The following CCDC88C variants were observed in gnomAD, a reference collection of about 807,000 sequenced individuals.
The protein encoded by CCDC88C is coiled-coil and HOOK domain protein 88C.
CCDC88C carries 131 observed loss-of-function variants against 198.8 expected under a neutral mutation model. The ratio of observed to expected loss-of-function variants is 0.66; its 90% CI spans 0.57 to 0.76. The LOEUF (loss-of-function observed/expected upper bound fraction) is 0.76, where lower values mean the gene tolerates loss of function less well. CCDC88C is among the 30% of genes least tolerant of loss of function. CCDC88C has a pLI of 0.00. For synonymous variants in CCDC88C, 1,166 were observed against 1,114.7 expected, an observed-to-expected ratio of 1.05 and a Z score of -0.92; for missense variants, 2,553 against 2,631.6, an observed-to-expected ratio of 0.97 and a Z score of 0.65.
chr14:91,359,860 C>T (rs1389090638), intron 3 of CCDC88C, 149 bp from the exon 4 acceptor site: 7 of 683,820 alleles, frequency 1.0e-5, no homozygotes, highest in African/African-American at 3.6e-5. Context: ...GCAAGGAGCA[C>T]GTAAGATGCA....
At position 91,408,708 on chromosome 14, in the gene CCDC88C, C is replaced by T. The variant is rs773103876; in HGVS notation, c.221G>A (p.Arg74His). Residue 74 changes from arginine (R) to histidine (H), a missense_variant, in exon 3 of 30, where the codon CGC becomes CAC. By Grantham distance (29) the Arg-to-His change is conservative. Around this residue, in one of 2 missense-constraint regions of CCDC88C, gnomAD observed 1,260 missense variants for 1,412.0 expected, o/e 0.89. Coordinates refer to ENST00000389857, the MANE Select transcript of CCDC88C (RefSeq NM_001080414.4). Reference sequence around the variant, plus strand: ...CACCAAGATGGTCAAATTCTGAATGCGAAGGTTCACATCATTGTTGACGTG... The same window carrying T: ...CACCAAGATGGTCAAATTCTGAATGTGAAGGTTCACATCATTGTTGACGTG... The part of the protein sequence containing the change: ...NKHVNNDVNL[R>H]IQNLTILVRN... 6 of 1,613,862 alleles carry T rather than the reference C, an allele frequency of 3.7e-6. No homozygotes were observed. The Admixed American group carries it at 6.7e-5, about 18-fold the overall frequency.
At chr14:91,310,093 T>C in intron 15 of CCDC88C, 107 bp from the exon 16 acceptor site, 3 of 1,141,418 alleles carry the variant, frequency 2.6e-6, no homozygotes, top group Non-Finnish European at 3.6e-6. Context: ...GGGCCACGGC[T>C]GCCTCCGTGT....
intron 22 of CCDC88C, among the ~76,000 whole-genome samples, chr14:91,295,069 C>T (rs954055672): frequency 6.6e-6 from 1 of 152,146 alleles, no homozygotes; most frequent in South Asian, 2.1e-4. Flanking sequence ...ATGGGGCCAC[C>T]GTAAGGACTG....
chr14:91,304,085 G>A (rs1891459434), intron 19 of CCDC88C, 107 bp from the exon 20 acceptor site: 1 of 1,334,620 alleles, frequency 7.5e-7, no homozygotes, highest in South Asian at 1.3e-5. Context: ...GGGACCCTCA[G>A]GGCAGAAGAC....
intron 3 of CCDC88C, among the ~76,000 whole-genome samples, chr14:91,361,133 A>AT (rs1276969080): frequency 6.6e-6 from 1 of 151,802 alleles, no homozygotes; most frequent in Non-Finnish European, 1.5e-5. Context: ...TGTCTATAAA[A>AT]AAAAAAAAAA....
Position 91,283,532 on chromosome 14 carries a change from G to C in CCDC88C, c.4442-15C>G. 6.2e-7 allele frequency: 1 copy of C among 1,600,046 alleles called. No homozygotes were observed. The highest frequency in any genetic ancestry group is 8.5e-7 in the Non-Finnish European group (1 of 1,172,968). On this transcript the variant is annotated splice_polypyrimidine_tract_variant and intron_variant, in intron 25 of 29. Coordinates refer to ENST00000389857, the MANE Select transcript of CCDC88C (RefSeq NM_001080414.4). ...ATCCCCAGGGCCTGAGGCAGAAGAG[G>C]ACATTGAGAAATGAGGCTGCCAAGT... is the stretch of plus-strand genomic sequence containing the variant.
Position 91,315,744 on chromosome 14 carries a change from T to A in CCDC88C, c.1571A>T (p.Asn524Ile), listed in dbSNP as rs369469576. Residue 524 changes from asparagine (N) to isoleucine (I), a missense_variant, in exon 14 of 30, where the codon AAC (asparagine) becomes ATC (isoleucine). By Grantham distance (149) the Asn-to-Ile change is moderately radical. Transcript: ENST00000389857. The part of the protein sequence containing the change: ...QTQLEREKQS[N>I]QDLETLSEEL... ...CTCACTGAGGGTCTCCAGATCTTGGTTGCTCTGCTTTTCTCTCTCCAGCTG... is the reference window on the plus strand; with the variant it reads ...CTCACTGAGGGTCTCCAGATCTTGGATGCTCTGCTTTTCTCTCTCCAGCTG... 10 of 1,613,636 alleles carry A rather than the reference T, an allele frequency of 6.2e-6. No individual in the cohort carries two copies. Among genetic ancestry groups the A allele is most frequent in the Non-Finnish European group, 8.5e-6 (10 of 1,179,810 alleles).
At chr14:91,322,425 G>A (rs983014916) in intron 12 of CCDC88C, among the ~76,000 whole-genome samples, 2 of 152,146 alleles carry the variant, frequency 1.3e-5, no homozygotes, top group Non-Finnish European at 2.9e-5. Flanking sequence ...AGAAGTGGAG[G>A]GGATGGTGTG....
At chr14:91,316,153 C>T (rs1892085487) in intron 13 of CCDC88C, among the ~76,000 whole-genome samples, 1 of 152,180 alleles carries the variant, frequency 6.6e-6, no homozygotes, top group South Asian at 2.1e-4. Flanking sequence ...TCAAGTGGCC[C>T]TCTGTTATAT....
chr14:91,337,810 C>T (rs1893114482), intron 10 of CCDC88C, among the ~76,000 whole-genome samples, 195 bp downstream of exon 10: 1 of 152,220 alleles, frequency 6.6e-6, no homozygotes, highest in Non-Finnish European at 1.5e-5. Context: ...TCCTTACCCT[C>T]CCCTGCTGAC....
chr14:91,411,856 G>A (rs1170837729), intron 2 of CCDC88C, among the ~76,000 whole-genome samples: 4 of 151,746 alleles, frequency 2.6e-5, no homozygotes, highest in East Asian at 1.9e-4. Context: ...CTAGCTAATC[G>A]GGAGGCTGAG....
At chr14:91,296,696 A>G (rs1046917745) in intron 22 of CCDC88C, among the ~76,000 whole-genome samples, 2 of 152,184 alleles carry the variant, frequency 1.3e-5, no homozygotes, top group Admixed American at 1.3e-4. Context: ...CTGTTTCTCA[A>G]AGAGCAAACC....
intron 26 of CCDC88C, among the ~76,000 whole-genome samples, chr14:91,282,830 G>T (rs1441386346): frequency 6.6e-6 from 1 of 152,304 alleles, no homozygotes; most frequent in East Asian, 1.9e-4. Context: ...AGGGGGCCAA[G>T]GCAAGAGCAT....
intron 3 of CCDC88C, among the ~76,000 whole-genome samples, chr14:91,404,964 CA>C (rs57911960): frequency 1.6e-4 from 17 of 103,388 alleles, no homozygotes; most frequent in South Asian, 3.1e-4. Flanking sequence ...GACTCCATCT[CA>C]AAAAAAAAAA....
chr14:91,326,648 C>T (rs1042644595), intron 10 of CCDC88C, among the ~76,000 whole-genome samples: 5 of 152,316 alleles, frequency 3.3e-5, no homozygotes, highest in African/African-American at 1.2e-4. Flanking sequence ...GACAAGGGGA[C>T]CCTGAGCCCA....
At chr14:91,322,961 A>G (rs1892421760) in intron 12 of CCDC88C, among the ~76,000 whole-genome samples, 1 of 141,052 alleles carries the variant, frequency 7.1e-6, no homozygotes, top group Non-Finnish European at 1.5e-5. Flanking sequence ...GCTGGAGTGC[A>G]GTGGTGTGAT....
chr14:91,292,748 C>T (rs1411149563), intron 23 of CCDC88C, among the ~76,000 whole-genome samples: 1 of 152,156 alleles, frequency 6.6e-6, no homozygotes, highest in African/African-American at 2.4e-5. Context: ...GACAGCCCAA[C>T]CACCATGGCT....
chr14:91,330,034 C>A (rs1436344837), intron 10 of CCDC88C, among the ~76,000 whole-genome samples: 1 of 152,264 alleles, frequency 6.6e-6, no homozygotes, highest in Non-Finnish European at 1.5e-5. Context: ...TAAAAACTCA[C>A]AGGGGCCGGG....
At chr14:91,330,493 C>T (rs1335226418) in intron 10 of CCDC88C, among the ~76,000 whole-genome samples, 1 of 152,198 alleles carries the variant, frequency 6.6e-6, no homozygotes, top group Non-Finnish European at 1.5e-5. Flanking sequence ...ACTCCGCAGG[C>T]AGACTCTGGA....
Sources: allele counts gnomAD v4.1 joint callset (sites outside exome capture counted in the v4.1 genomes callset), GRCh38; gene constraint gnomAD v4.1.1; regional missense constraint gnomAD v4.1.1; transcripts MANE v1.5; gene names NCBI Gene and HGNC (gene_info 2026-07-23, HGNC 2026-07-21).